The following NVL variants were observed in gnomAD, a reference collection of about 807,000 sequenced individuals.
NVL encodes the protein nuclear VCP like.
A neutral mutation model predicts 110.2 loss-of-function variants in NVL; 84 were observed. The observed-to-expected ratio is 0.76, with a 90% confidence interval of 0.64 to 0.91. The LOEUF is 0.91. Ranked by LOEUF, NVL falls within the 40% of genes least tolerant of loss-of-function variation. NVL has a pLI of 0.00. For missense variants in NVL, 882 were observed against 1,035.9 expected (o/e 0.85, Z 2.04); for synonymous variants, 354 against 361.1 (o/e 0.98, Z 0.22).
intron 19 of NVL, among the ~76,000 whole-genome samples, chr1:224,245,740 G>T (rs1661733632): frequency 6.6e-6 from 1 of 151,750 alleles, no homozygotes; most frequent in African/African-American, 2.4e-5. Flanking sequence ...TGGATCACCA[G>T]GTCAGGAGTT....
intron 2 of NVL, 117 bp from the exon 3 acceptor site, chr1:224,318,047 A>T: frequency 1.7e-6 from 1 of 605,306 alleles, no homozygotes; most frequent in South Asian, 2.6e-5. Context: ...CAGTATAGAC[A>T]CTTGCCATAA....
intron 14 of NVL, 60 bp downstream of exon 14, chr1:224,287,715 C>T: frequency 7.0e-7 from 1 of 1,424,866 alleles, no homozygotes; most frequent in African/African-American, 1.4e-5. Flanking sequence ...ATGCATGGAG[C>T]TTTATCTCTG....
chr1:224,318,232 T>G (rs1157825803), intron 2 of NVL, among the ~76,000 whole-genome samples: 1 of 152,186 alleles, frequency 6.6e-6, no homozygotes, highest in African/African-American at 2.4e-5. Flanking sequence ...CCTATAGTAT[T>G]CTCAAACTGC....
intron 19 of NVL, among the ~76,000 whole-genome samples, chr1:224,246,450 T>C (rs1661831906): frequency 6.6e-6 from 1 of 152,226 alleles, no homozygotes; most frequent in Admixed American, 6.5e-5. Flanking sequence ...ATACATTGAA[T>C]GAAACACAGC....
At chr1:224,236,654 T>C (rs1274296526) in intron 19 of NVL, 72 bp from the exon 20 acceptor site, 4 of 1,266,924 alleles carry the variant, frequency 3.2e-6, no homozygotes, top group African/African-American at 2.9e-5. Flanking sequence ...CTCATGCTTG[T>C]AATCCCAGCA....
rs3754090 is a variant in NVL at position 224,305,044 on chromosome 1, C to T, written c.738G>A (p.Leu246=). Residue 246 remains leucine, a synonymous_variant, in exon 7 of 23, where the codon CTG becomes CTA. Coordinates refer to ENST00000281701, the MANE Select transcript of NVL (RefSeq NM_002533.4). ...AGACTCACACCTTACCTTTCTTTTG[C>T]AGGACAGCTTCAATTTCTCCATCTA... The part of the protein sequence containing the change: ...QEVDGEIEAV[L]QKKAKARGLE... The T allele has an allele frequency of 0.92, 1,491,932 of 1,613,154 alleles. 694,986 individuals are homozygous for T. The highest frequency in any genetic ancestry group is 0.95 in the Admixed American group (56,801 of 59,924).
intron 19 of NVL, among the ~76,000 whole-genome samples, chr1:224,239,606 T>G (rs776071478): frequency 6.6e-5 from 10 of 152,296 alleles, no homozygotes; most frequent in African/African-American, 1.9e-4. Context: ...TCTCAAACTA[T>G]CCAGTGCCCT....
At chr1:224,272,833 G>A (rs1665275353) in intron 17 of NVL, among the ~76,000 whole-genome samples, 2 of 151,004 alleles carry the variant, frequency 1.3e-5, no homozygotes, top group African/African-American at 4.9e-5. Context: ...AGGAGATCGA[G>A]ACCATCCCGA....
At chr1:224,262,658 GAAAC>G (rs1397411577) in intron 18 of NVL, among the ~76,000 whole-genome samples, 20 of 152,082 alleles carry the variant, frequency 1.3e-4, no homozygotes, top group Non-Finnish European at 2.9e-5. Context: ...GAGGTCTCCA[GAAAC>G]AAACAAACAA....
At chr1:224,255,479 A>G (rs1405186446) in intron 18 of NVL, among the ~76,000 whole-genome samples, 1 of 152,202 alleles carries the variant, frequency 6.6e-6, no homozygotes, top group Non-Finnish European at 1.5e-5. Context: ...GGCGTGAGCC[A>G]CCGCGCCTGG....
At chr1:224,265,301 C>T (rs1222610644) in intron 18 of NVL, among the ~76,000 whole-genome samples, 1 of 151,808 alleles carries the variant, frequency 6.6e-6, no homozygotes, top group South Asian at 2.1e-4. Context: ...GGTCAGGAGC[C>T]GAGACCAGGC....
intron 22 of NVL, among the ~76,000 whole-genome samples, chr1:224,230,375 C>CCAA (rs1659735959): frequency 6.6e-6 from 1 of 152,032 alleles, no homozygotes; most frequent in Admixed American, 6.6e-5. Context: ...GAGGCCAAGG[C>CCAA]GGGTGGATCA....
chr1:224,287,833 G>A lies in NVL; in HGVS notation c.1736C>T (p.Thr579Ile), dbSNP rs201811533. The A allele has an allele frequency of 3.1e-6, 5 of 1,614,138 alleles. No individual in the cohort carries two copies. Among genetic ancestry groups the A allele is most frequent in the Non-Finnish European group, 4.2e-6 (5 of 1,180,002 alleles). Reference protein sequence around the residue: ...REGFVTVPNVTWADIGALEDI... With the variant: ...REGFVTVPNVIWADIGALEDI... Reference sequence around the variant, plus strand: ...TTCCAGGGCACCAATATCTGCCCATGTCACATTAGGGACAGTGACAAAGCC... The same window carrying A: ...TTCCAGGGCACCAATATCTGCCCATATCACATTAGGGACAGTGACAAAGCC... Residue 579 changes from threonine to isoleucine, a missense_variant, in exon 14 of 23, where the codon ACA becomes ATA. Thr to Ile is a moderately conservative substitution (Grantham distance 89). Transcript: ENST00000281701.
intron 5 of NVL, among the ~76,000 whole-genome samples, chr1:224,310,946 T>C (rs547011950): frequency 6.6e-6 from 1 of 152,288 alleles, no homozygotes; most frequent in African/African-American, 2.4e-5. Context: ...TTGCCTAGGC[T>C]GGTCTTAAAC....
intron 5 of NVL, among the ~76,000 whole-genome samples, chr1:224,308,488 C>T (rs569916690): frequency 6.6e-6 from 1 of 150,738 alleles, no homozygotes; most frequent in East Asian, 2.0e-4. Context: ...GTCAGGAGTT[C>T]AAGACCAGCC....
chr1:224,323,299 A>G (rs1670835457), intron 2 of NVL, among the ~76,000 whole-genome samples: 1 of 152,218 alleles, frequency 6.6e-6, no homozygotes. Flanking sequence ...TTTACAGTAT[A>G]GAGAGACATA....
intron 22 of NVL, among the ~76,000 whole-genome samples, chr1:224,228,244 G>C (rs930983304): frequency 3.9e-5 from 6 of 152,058 alleles, no homozygotes; most frequent in African/African-American, 1.4e-4. Flanking sequence ...TATCTAATTA[G>C]TGAAGAAAGC....
chr1:224,275,589 C>T (rs1248747371), intron 16 of NVL, 131 bp from the exon 17 acceptor site: 1 of 1,127,106 alleles, frequency 8.9e-7, no homozygotes, highest in Admixed American at 2.2e-5. Flanking sequence ...CAGAATGAAC[C>T]ATATACAATT....
At chr1:224,241,232 A>C in intron 19 of NVL, among the ~76,000 whole-genome samples, 1 of 152,218 alleles carries the variant, frequency 6.6e-6, no homozygotes, top group Non-Finnish European at 1.5e-5. Context: ...TTTAATTGAA[A>C]TGTGGTTATG....
Sources: gnomAD v4.1 joint callset for allele counts (sites outside exome capture counted in the v4.1 genomes callset) on GRCh38, gnomAD v4.1.1 for gene constraint, MANE v1.5 for transcripts, NCBI Gene and HGNC (gene_info 2026-07-23, HGNC 2026-07-21) for gene names.